The following ASCC1 variants were observed in gnomAD, a reference collection of about 807,000 sequenced individuals.
The protein encoded by ASCC1 is ASC-1 complex subunit P50.
ASCC1 carries 35 observed loss-of-function variants against 46.6 expected under a neutral mutation model. The observed-to-expected ratio is 0.75, with a 90% CI of 0.57 to 0.99. ASCC1 has a LOEUF of 0.99. ASCC1 is among the 50% of genes least tolerant of loss of function. The pLI, the probability that ASCC1 is intolerant of heterozygous loss-of-function variation, is 0.00. For missense variants in ASCC1, 376 were observed against 428.7 expected (o/e 0.88, Z 1.09); for synonymous variants, 143 against 146.6 (o/e 0.98, Z 0.18).
intron 3 of ASCC1, among the ~76,000 whole-genome samples, chr10:72,209,854 T>G (rs1857795787): frequency 6.6e-6 from 1 of 152,192 alleles, no homozygotes; most frequent in Non-Finnish European, 1.5e-5. Flanking sequence ...CTGCCAAATC[T>G]CATGTTGAAA....
intron 5 of ASCC1, among the ~76,000 whole-genome samples, chr10:72,171,818 G>A (rs1354879859): frequency 1.3e-5 from 2 of 152,222 alleles, no homozygotes; most frequent in African/African-American, 2.4e-5. Context: ...GGATTATGAT[G>A]TGAATATCTT....
At chr10:72,147,046 T>A (rs1044288843) in intron 7 of ASCC1, among the ~76,000 whole-genome samples, 1 of 150,880 alleles carries the variant, frequency 6.6e-6, no homozygotes, top group Admixed American at 6.7e-5. Flanking sequence ...GATAGTTTTT[T>A]AATGAAATTA....
At chr10:72,143,540 T>C (rs909639768) in intron 7 of ASCC1, among the ~76,000 whole-genome samples, 2 of 150,838 alleles carry the variant, frequency 1.3e-5, no homozygotes, top group African/African-American at 4.9e-5. Flanking sequence ...TAACTGTAGG[T>C]AACCTTGTTT....
At chr10:72,184,703 T>C (rs185137148) in intron 5 of ASCC1, among the ~76,000 whole-genome samples, 45 of 150,008 alleles carry the variant, frequency 3.0e-4, no homozygotes, top group Non-Finnish European at 5.0e-4. Context: ...AAAGAACAAG[T>C]AGATACAAAA....
At chr10:72,170,018 G>A (rs946551916) in intron 5 of ASCC1, among the ~76,000 whole-genome samples, 1 of 152,076 alleles carries the variant, frequency 6.6e-6, no homozygotes, top group Non-Finnish European at 1.5e-5. Flanking sequence ...TACTCAAGAA[G>A]CTGAGGCAGG....
intron 5 of ASCC1, among the ~76,000 whole-genome samples, chr10:72,169,107 T>C (rs1206523081): frequency 6.6e-6 from 1 of 152,208 alleles, no homozygotes; most frequent in Non-Finnish European, 1.5e-5. Context: ...TAAACACATG[T>C]ATACAATGAT....
intron 5 of ASCC1, among the ~76,000 whole-genome samples, chr10:72,185,039 T>G (rs1192225088): frequency 6.6e-6 from 1 of 152,072 alleles, no homozygotes; most frequent in Non-Finnish European, 1.5e-5. Context: ...GTATCAGCCA[T>G]GAGGGAAATG....
chr10:72,186,137 A>C (rs1005762248), intron 5 of ASCC1, among the ~76,000 whole-genome samples: 1 of 151,554 alleles, frequency 6.6e-6, no homozygotes, highest in Admixed American at 6.6e-5. Context: ...AAAGTAATAT[A>C]ATATAAAATA....
intron 7 of ASCC1, among the ~76,000 whole-genome samples, chr10:72,138,613 T>C (rs923417827): frequency 8.2e-5 from 12 of 145,902 alleles, no homozygotes; most frequent in African/African-American, 3.0e-4. Flanking sequence ...TTTTTTTTTT[T>C]TTTTTTTTTT....
intron 8 of ASCC1, among the ~76,000 whole-genome samples, chr10:72,132,628 C>T (rs1845739511): frequency 6.6e-6 from 1 of 151,862 alleles, no homozygotes; most frequent in Non-Finnish European, 1.5e-5. Context: ...AAAAATGTCT[C>T]CAGACAATGC....
intron 6 of ASCC1, among the ~76,000 whole-genome samples, chr10:72,160,151 G>A (rs1372693599): frequency 5.3e-5 from 8 of 152,016 alleles, no homozygotes; most frequent in African/African-American, 1.7e-4. Flanking sequence ...TCATCTGCCC[G>A]CCTCGGCCTC....
chr10:72,210,506 T>C (rs145248389), intron 3 of ASCC1, among the ~76,000 whole-genome samples: 47 of 152,292 alleles, frequency 3.1e-4, no homozygotes, highest in African/African-American at 1.1e-3. Context: ...TATTTCTTTA[T>C]AGCAACACAA....
intron 9 of ASCC1, among the ~76,000 whole-genome samples, chr10:72,115,484 A>C (rs1476515920): frequency 1.3e-5 from 2 of 152,228 alleles, no homozygotes; most frequent in African/African-American, 4.8e-5. Context: ...ACACAGAGAT[A>C]AGGACAAAAC....
intron 5 of ASCC1, among the ~76,000 whole-genome samples, chr10:72,188,298 T>C (rs1853820235): frequency 6.6e-6 from 1 of 151,860 alleles, no homozygotes; most frequent in Non-Finnish European, 1.5e-5. Flanking sequence ...TTTGTATTTT[T>C]AGTAGAGATG....
intron 5 of ASCC1, among the ~76,000 whole-genome samples, chr10:72,174,017 C>G (rs575089121): frequency 2.6e-5 from 4 of 152,322 alleles, no homozygotes; most frequent in South Asian, 4.1e-4. Flanking sequence ...TGAAAATAAA[C>G]ATGTTTCTTT....
At chr10:72,131,439 T>TACACATACACACACACAC in intron 8 of ASCC1, among the ~76,000 whole-genome samples, 1 of 139,420 alleles carries the variant, frequency 7.2e-6, no homozygotes, top group African/African-American at 2.8e-5. Flanking sequence ...AAAATAAAAA[T>TACACATACACACACACAC]ACACACACAC....
At chr10:72,110,878 C>A (rs1842849718) in intron 9 of ASCC1, among the ~76,000 whole-genome samples, 1 of 152,172 alleles carries the variant, frequency 6.6e-6, no homozygotes, top group South Asian at 2.1e-4. Flanking sequence ...AATGGCTGGC[C>A]TTGGATTGGC....
intron 5 of ASCC1, among the ~76,000 whole-genome samples, chr10:72,174,120 A>G (rs777999302): frequency 2.6e-5 from 4 of 152,206 alleles, no homozygotes; most frequent in African/African-American, 4.8e-5. Flanking sequence ...AAGAAAACTT[A>G]TGTACATGCC....
At chr10:72,141,535 G>A (rs915814266) in intron 7 of ASCC1, among the ~76,000 whole-genome samples, 10 of 152,076 alleles carry the variant, frequency 6.6e-5, no homozygotes, top group Non-Finnish European at 1.2e-4. Flanking sequence ...CAAAGTCTAA[G>A]AAATACAAAA....
Sources: allele counts gnomAD v4.1 joint callset (sites outside exome capture counted in the v4.1 genomes callset), GRCh38; gene constraint gnomAD v4.1.1; transcripts MANE v1.5; gene names NCBI Gene and HGNC (gene_info 2026-07-23, HGNC 2026-07-21).